The following ALDH1A2 variants were observed in gnomAD, a reference collection of about 807,000 sequenced individuals.
The protein encoded by ALDH1A2 is aldehyde dehydrogenase 1 family member A2.
In ALDH1A2, 27 loss-of-function variants were observed where a neutral mutation model predicts 60.3. The observed-to-expected ratio is 0.45, with a 90% CI of 0.33 to 0.62. The LOEUF (loss-of-function observed/expected upper bound fraction) is 0.62, where lower values mean the gene tolerates loss of function less well. ALDH1A2 is among the 20% of genes least tolerant of loss of function. The pLI, the probability that ALDH1A2 is intolerant of heterozygous loss-of-function variation, is 0.02. For missense variants in ALDH1A2, 581 were observed against 643.8 expected, an observed-to-expected ratio of 0.90 and a Z score of 1.06; for synonymous variants, 289 against 232.4, an observed-to-expected ratio of 1.24 and a Z score of -2.21.
At chr15:57,970,503 A>T (rs926699074) in intron 7 of ALDH1A2, among the ~76,000 whole-genome samples, 2 of 152,346 alleles carry the variant, frequency 1.3e-5, no homozygotes, top group Non-Finnish European at 2.9e-5. Context: ...GCAATGCGGC[A>T]ATGTAGGGGA....
At chr15:57,964,754 C>T (rs895671611) in intron 8 of ALDH1A2, 16 of 152,394 alleles carry the variant, frequency 1.0e-4, no homozygotes, top group African/African-American at 3.9e-4. Flanking sequence ...CACTTCAAAA[C>T]AGCTTAATCT....
At chr15:58,005,873 G>C (rs1239681014) in intron 4 of ALDH1A2, among the ~76,000 whole-genome samples, 1 of 151,840 alleles carries the variant, frequency 6.6e-6, no homozygotes, top group Non-Finnish European at 1.5e-5. Context: ...ATGCTATCTT[G>C]AGAAAAGTAG....
At chr15:58,059,470 T>C (rs1566963829) in intron 1 of ALDH1A2, among the ~76,000 whole-genome samples, 1 of 152,220 alleles carries the variant, frequency 6.6e-6, no homozygotes, top group Non-Finnish European at 1.5e-5. Context: ...TTAAATTATA[T>C]AAAGTAAGAT....
chr15:57,978,437 A>T (rs1894353339), intron 7 of ALDH1A2, among the ~76,000 whole-genome samples: 1 of 152,218 alleles, frequency 6.6e-6, no homozygotes, highest in Admixed American at 6.5e-5. Context: ...GTATCTGCTG[A>T]GATAATCATG....
chr15:58,009,187 A>G (rs1895551362), intron 4 of ALDH1A2, among the ~76,000 whole-genome samples: 1 of 152,090 alleles, frequency 6.6e-6, no homozygotes, highest in Non-Finnish European at 1.5e-5. Flanking sequence ...TACCCTTGTC[A>G]TACCACACCT....
At chr15:58,021,816 C>A (rs1313250545) in intron 1 of ALDH1A2, among the ~76,000 whole-genome samples, 1 of 152,214 alleles carries the variant, frequency 6.6e-6, no homozygotes, top group African/African-American at 2.4e-5. Flanking sequence ...AGCTGAAGCA[C>A]CCAGTGCTGG....
chr15:58,009,062 C>G (rs1356723936), intron 4 of ALDH1A2, among the ~76,000 whole-genome samples: 1 of 152,080 alleles, frequency 6.6e-6, no homozygotes, highest in East Asian at 1.9e-4. Context: ...AATCAGAAAC[C>G]CATTTTCTAA....
intron 12 of ALDH1A2, among the ~76,000 whole-genome samples, chr15:57,959,397 G>T (rs183113909): frequency 6.6e-6 from 1 of 152,200 alleles, no homozygotes; most frequent in Non-Finnish European, 1.5e-5. Flanking sequence ...GGAATACTAA[G>T]AACTGAACAA....
intron 7 of ALDH1A2, among the ~76,000 whole-genome samples, chr15:57,970,085 G>C (rs1438869903): frequency 1.3e-5 from 2 of 152,192 alleles, no homozygotes; most frequent in Non-Finnish European, 2.9e-5. Flanking sequence ...GGACTCCTGG[G>C]GACCCTGCTC....
chr15:58,036,288 A>G (rs1896375919), intron 1 of ALDH1A2, among the ~76,000 whole-genome samples: 1 of 151,718 alleles, frequency 6.6e-6, no homozygotes, highest in Non-Finnish European at 1.5e-5. Flanking sequence ...AAATTTAATT[A>G]TGCACACACA....
intron 3 of ALDH1A2, among the ~76,000 whole-genome samples, chr15:58,012,344 C>G (rs374574391): frequency 1.1e-4 from 16 of 152,110 alleles, no homozygotes; most frequent in African/African-American, 3.4e-4. Flanking sequence ...GTGCTAAGAA[C>G]CATGCTAGGA....
At chr15:58,043,252 C>T (rs1339000619) in intron 1 of ALDH1A2, among the ~76,000 whole-genome samples, 1 of 151,940 alleles carries the variant, frequency 6.6e-6, no homozygotes, top group South Asian at 2.1e-4. Flanking sequence ...TCCAGCTAGA[C>T]TTTTCTGAAT....
At chr15:58,013,707 G>C (rs1165221064) in intron 3 of ALDH1A2, 151 bp downstream of exon 3, 13 of 1,003,420 alleles carry the variant, frequency 1.3e-5, no homozygotes, top group Non-Finnish European at 1.7e-5. Flanking sequence ...AGCTGAAATC[G>C]TGCCACTGCG....
chr15:58,040,696 C>T (rs1896499496), intron 1 of ALDH1A2, among the ~76,000 whole-genome samples: 1 of 151,648 alleles, frequency 6.6e-6, no homozygotes, highest in Non-Finnish European at 1.5e-5. Context: ...TTCTATTAGG[C>T]CAAAGGTAGT....
intron 7 of ALDH1A2, among the ~76,000 whole-genome samples, chr15:57,987,782 G>A (rs1308471802): frequency 2.0e-5 from 3 of 151,676 alleles, no homozygotes; most frequent in African/African-American, 7.3e-5. Context: ...CTACTCGGAA[G>A]GCTGAGGCAG....
intron 1 of ALDH1A2, among the ~76,000 whole-genome samples, chr15:58,054,507 G>A (rs1183574476): frequency 6.6e-6 from 1 of 152,110 alleles, no homozygotes; most frequent in Non-Finnish European, 1.5e-5. Context: ...ACAGGTAACA[G>A]AGGGATCTGA....
chr15:58,024,535 A>C (rs552003231), intron 1 of ALDH1A2, among the ~76,000 whole-genome samples: 4 of 152,220 alleles, frequency 2.6e-5, no homozygotes, highest in Non-Finnish European at 5.9e-5. Context: ...ATATATATGT[A>C]TCAAACACTG....
chr15:58,014,306 G>A, intron 1 of ALDH1A2, 25 bp from the exon 2 acceptor site: 1 of 1,560,966 alleles, frequency 6.4e-7, no homozygotes, highest in Non-Finnish European at 8.8e-7. Flanking sequence ...AACAGAATGG[G>A]ATCTGTGACA....
chr15:57,956,511 C>T (rs1304630802), intron 12 of ALDH1A2, among the ~76,000 whole-genome samples: 3 of 152,184 alleles, frequency 2.0e-5, no homozygotes, highest in African/African-American at 7.2e-5. Flanking sequence ...GCACCGTGGG[C>T]ACCTGAGTTG....
Sources: allele counts gnomAD v4.1 joint callset (sites outside exome capture counted in the v4.1 genomes callset), GRCh38; gene constraint gnomAD v4.1.1; transcripts MANE v1.5; gene names NCBI Gene and HGNC (gene_info 2026-07-23, HGNC 2026-07-21).